IGSF9B: variants seen among roughly 807,000 people sequenced by gnomAD.
IGSF9B encodes the protein immunoglobulin superfamily member 9B.
A neutral mutation model predicts 143.7 loss-of-function variants in IGSF9B; 48 were observed. The observed-to-expected ratio is 0.33, with a 90% CI of 0.26 to 0.42. IGSF9B has a LOEUF of 0.42. IGSF9B is among the 20% of genes least tolerant of loss of function. The probability of loss-of-function intolerance (pLI) is 1.00; values close to 1 mark genes in which losing one functional copy is unlikely to be tolerated. For missense variants in IGSF9B, 1,706 were observed against 1,980.0 expected (o/e 0.86, Z 2.63); for synonymous variants, 903 against 833.1 (o/e 1.08, Z -1.44).
In IGSF9B at chr11:133,948,260, G is replaced by A. The variant is rs182373219; in HGVS notation, c.65-2002C>T. 1.1e-3 allele frequency among the ~76,000 whole-genome samples: 174 copies of A among 152,196 alleles called. No individual in the cohort carries two copies. Among genetic ancestry groups the A allele is most frequent in the Non-Finnish European group, 1.8e-3 (124 of 68,006 alleles). ...CCCCTCCCCCTCCCCTGCAAGTTGC[G>A]GAAGAGGGAGGAGGCAAGCCCTTCC... On this transcript the variant is annotated intron_variant, in intron 1 of 19. Transcript: ENST00000533871. This position sits in a 1 kb window ranked among gnomAD's most constrained non-coding sequence, Gnocchi z 4.7.
rs59414581 is a variant in IGSF9B, at chr11:133,948,617, C to CTGTGTG, written c.65-2365_65-2360dup. Reference sequence around the variant, plus strand: ...TGGGTGCCATGAGTTTGCAGAGAAGCTGTGTGTGTGTGTGTGTGTGTGTGT... The same window carrying CTGTGTG: ...TGGGTGCCATGAGTTTGCAGAGAAGCTGTGTGTGTGTGTGTGTGTGTGTGTGTGTGT... On this transcript the variant is annotated intron_variant, in intron 1 of 19. Coordinates refer to ENST00000533871, the MANE Select transcript of IGSF9B (RefSeq NM_001277285.4). This position sits in a 1 kb window ranked among gnomAD's most constrained non-coding sequence, Gnocchi z 4.7. Among the ~76,000 whole-genome samples, 276 of 140,996 alleles carry CTGTGTG rather than the reference C, an allele frequency of 2.0e-3. No individual in the cohort carries two copies. The highest frequency in any genetic ancestry group is 4.1e-3 in the African/African-American group (152 of 37,408). The allele number at this position is 140,996 out of a possible 152,430, so 92.5% of individuals were successfully genotyped here.
Position 133,919,807 on chromosome 11 carries a change from G to A in IGSF9B, c.3918C>T (p.Ser1306=), listed in dbSNP as rs756481542. 8 of 1,517,404 alleles carry A rather than the reference G, an allele frequency of 5.3e-6. No individual in the cohort carries two copies. The highest frequency in any genetic ancestry group is 7.1e-6 in the Non-Finnish European group (8 of 1,131,568). 94.0% of individuals were successfully genotyped at this position (1,517,404 alleles called of 1,614,324 possible). A position where few individuals can be genotyped will look rare whatever the true frequency, so the allele number is the denominator to read the frequency against. The change falls in exon 18 of 20, where the codon TCC becomes TCT. Residue 1306 remains serine, a synonymous_variant. Transcript: ENST00000533871. Reference sequence around the variant, plus strand: ...GCAATTCCTCCCCCGTCCTTCGAGGGGAAGGCGTCTGTCCAAACACGTCCA... The same window carrying A: ...GCAATTCCTCCCCCGTCCTTCGAGGAGAAGGCGTCTGTCCAAACACGTCCA... The part of the protein sequence containing the change: ...DSLDVFGQTP[S]PRRTGEELLR...
In IGSF9B at chr11:133,908,843, A is replaced by G. The variant is rs1044752450; in HGVS notation, c.*226T>C. ...GGAGACAGGTGTTGCCCAGTCTCCA[A>G]TCCACTTCCTGACCTCGACCCACAG... On this transcript the variant is annotated 3_prime_UTR_variant, in exon 20 of 20. Coordinates refer to ENST00000533871, the MANE Select transcript of IGSF9B (RefSeq NM_001277285.4). The G allele has an allele frequency of 5.2e-5, 28 of 537,774 alleles. No homozygotes were observed. Among genetic ancestry groups the G allele is most frequent in the African/African-American group, 1.1e-4 (6 of 52,938 alleles). 33.3% of individuals were successfully genotyped at this position (537,774 alleles called of 1,614,324 possible).
chr11:133,931,440 A>G lies in IGSF9B; in HGVS notation c.1368+13T>C, dbSNP rs767053074. On this transcript the variant is annotated intron_variant, in intron 10 of 19. Transcript: ENST00000533871. This position sits in a 1 kb window ranked among gnomAD's most constrained non-coding sequence, Gnocchi z 7.7. ...CACCTCCCTGCAGACCCAGGGCTCC[A>G]GGGCCCAGGTACCTTTCTCCAAGTG... is the stretch of plus-strand genomic sequence containing the variant. The G allele has an allele frequency of 1.3e-6, 2 of 1,582,324 alleles. No homozygotes were observed. Among genetic ancestry groups the G allele is most frequent in the Non-Finnish European group, 1.7e-6 (2 of 1,152,778 alleles).
In IGSF9B at chr11:133,897,763, A is replaced by C. The variant is rs995802628; in HGVS notation, c.*11306T>G. On this transcript the variant is annotated 3_prime_UTR_variant, in exon 20 of 20. Transcript: ENST00000533871. ...TTTTGAGTTACATACCTGAAGTTCA[A>C]AAAGTAAGCCTCTAGTTGCCATTCA... 6.6e-6 allele frequency: 1 copy of C among 152,248 alleles called. No homozygotes were observed. The highest frequency in any genetic ancestry group is 1.5e-5 in the Non-Finnish European group (1 of 68,048). The allele number at this position is 152,248 out of a possible 1,614,324, so 9.4% of individuals were successfully genotyped here.
rs1939235450 is a variant in IGSF9B, at chr11:133,907,944, T to C, written c.*1125A>G. ...AAAGCCACAGGCGGCTCCGCACAAGTGGTAATTAATCAATCTGGAGAATTA... is the reference window on the plus strand; with the variant it reads ...AAAGCCACAGGCGGCTCCGCACAAGCGGTAATTAATCAATCTGGAGAATTA... On this transcript the variant is annotated 3_prime_UTR_variant, in exon 20 of 20. Transcript: ENST00000533871. 6.6e-6 allele frequency among the ~76,000 whole-genome samples: 1 copy of C among 151,972 alleles called. No individual in the cohort carries two copies. Among genetic ancestry groups the C allele is most frequent in the Non-Finnish European group, 1.5e-5 (1 of 68,004 alleles).
chr11:133,911,611 C>T (rs1939302639), intron 19 of IGSF9B, among the ~76,000 whole-genome samples: 1 of 152,188 alleles, frequency 6.6e-6, no homozygotes, highest in African/African-American at 2.4e-5. Flanking sequence ...AACGACAGTT[C>T]TCCAGGTGAG....
chr11:133,906,865 C>A lies in IGSF9B; in HGVS notation c.*2204G>T, dbSNP rs993043954. ...TGCATAAAGGCTGCACGTCAGCTTG[C>A]GGTAAGCCCCCACCTCCCACCCCAA... On this transcript the variant is annotated 3_prime_UTR_variant, in exon 20 of 20. Transcript: ENST00000533871. 2.3e-4 allele frequency among the ~76,000 whole-genome samples: 35 copies of A among 152,278 alleles called. No individual in the cohort carries two copies. The highest frequency in any genetic ancestry group is 7.9e-4 in the African/African-American group (33 of 41,570).
chr11:133,949,533 C>G (rs1940120777), intron 1 of IGSF9B, among the ~76,000 whole-genome samples: 1 of 152,116 alleles, frequency 6.6e-6, no homozygotes, highest in Non-Finnish European at 1.5e-5. Context: ...GAAACCAAAC[C>G]CACATCCAGG....
intron 1 of IGSF9B, among the ~76,000 whole-genome samples, chr11:133,950,920 G>C (rs1940146585): frequency 6.6e-6 from 1 of 151,956 alleles, no homozygotes; most frequent in South Asian, 2.1e-4. Context: ...CAAACCACAG[G>C]CCTGTTGTCT....
intron 3 of IGSF9B, among the ~76,000 whole-genome samples, chr11:133,940,309 A>C (rs1939919044): frequency 8.2e-6 from 1 of 121,516 alleles, no homozygotes; most frequent in Non-Finnish European, 1.6e-5. Context: ...CGCACGCGTC[A>C]TCGCACGCAG....
chr11:133,904,741 C>G lies in IGSF9B; in HGVS notation c.*4328G>C, dbSNP rs768283303. ...GTGGTCTCACCATCCTAACCCATGCCTGACCTCACCCTCTGTGCCCCTTCC... is the reference window on the plus strand; with the variant it reads ...GTGGTCTCACCATCCTAACCCATGCGTGACCTCACCCTCTGTGCCCCTTCC... On this transcript the variant is annotated 3_prime_UTR_variant, in exon 20 of 20. Transcript: ENST00000533871. 2.6e-5 allele frequency among the ~76,000 whole-genome samples: 4 copies of G among 151,984 alleles called. No homozygotes were observed. Among genetic ancestry groups the G allele is most frequent in the Non-Finnish European group, 4.4e-5 (3 of 67,994 alleles).
At chr11:133,936,350 A>G (rs756223863) in intron 5 of IGSF9B, among the ~76,000 whole-genome samples, 156 bp from the exon 6 acceptor site, 8 of 152,070 alleles carry the variant, frequency 5.3e-5, no homozygotes, top group Non-Finnish European at 1.2e-4. Context: ...ATCTGTGCTC[A>G]GGCATCCTGT....
In IGSF9B at chr11:133,909,119, T is replaced by C; in HGVS notation, c.4264A>G (p.Ile1422Val). 1 of 1,535,880 alleles carries C rather than the reference T, an allele frequency of 6.5e-7. No homozygotes were observed. The highest frequency in any genetic ancestry group is 8.7e-7 in the Non-Finnish European group (1 of 1,146,734). The change falls in exon 20 of 20, where the codon ATT becomes GTT. Residue 1422 changes from isoleucine to valine, a missense_variant. By Grantham distance (29) the Ile-to-Val change is conservative. Coordinates refer to ENST00000533871, the MANE Select transcript of IGSF9B (RefSeq NM_001277285.4). This position sits in a 1 kb window ranked among gnomAD's most constrained non-coding sequence, Gnocchi z 4.2. ...HRQLPEDQTA[I>V]LNSVDHDDPG... The stretch of plus-strand genomic sequence containing the variant: ...TCATCGTGGTCCACACTGTTGAGAA[T>C]CGCTGTCTGGTCTTCCGGAAGCTGG...
At position 133,937,487 on chromosome 11, in the gene IGSF9B, C is replaced by T; in HGVS notation, c.568G>A (p.Asp190Asn). 2 of 1,613,352 alleles carry T rather than the reference C, an allele frequency of 1.2e-6. No homozygotes were observed. Among genetic ancestry groups the T allele is most frequent in the South Asian group, 1.1e-5 (1 of 91,030 alleles). Residue 190 changes from aspartate (D) to asparagine (N), a missense_variant, in exon 5 of 20, where the codon GAC becomes AAC. By Grantham distance (23) the Asp-to-Asn change is conservative. Transcript: ENST00000533871. ...ACCGATGTCACTGTCAGGCTGCCGT[C>T]ACTCACCTGGGAGCCCAAAACAGAG... ...LGASGKYQVS[D>N]GSLTVTSVSR...
At chr11:133,918,802 C>CAGAGAG (rs34060525) in intron 18 of IGSF9B, among the ~76,000 whole-genome samples, 6 of 148,088 alleles carry the variant, frequency 4.1e-5, no homozygotes, top group South Asian at 4.5e-4. Flanking sequence ...AGGACGGAGC[C>CAGAGAG]AGAGAGAGAG....
rs1214320160 is a variant in IGSF9B, at chr11:133,902,316, C to T, written c.*6753G>A. On this transcript the variant is annotated 3_prime_UTR_variant, in exon 20 of 20. Transcript: ENST00000533871. ...CACACATACACGCACACCACAGATA[C>T]ACACACACCATACCACACACACCCC... 5.4e-5 allele frequency among the ~76,000 whole-genome samples: 8 copies of T among 147,542 alleles called. No individual in the cohort carries two copies. The highest frequency in any genetic ancestry group is 7.5e-5 in the Non-Finnish European group (5 of 66,636).
At chr11:133,939,027 C>A (rs1369138393) in intron 3 of IGSF9B, among the ~76,000 whole-genome samples, 1 of 152,228 alleles carries the variant, frequency 6.6e-6, no homozygotes, top group African/African-American at 2.4e-5. Flanking sequence ...GAGGGTCCCT[C>A]CTCCCCACAC....
chr11:133,922,894 C>T (rs1247387598), intron 15 of IGSF9B, among the ~76,000 whole-genome samples, 164 bp from the exon 16 acceptor site: 1 of 152,118 alleles, frequency 6.6e-6, no homozygotes, highest in Admixed American at 6.5e-5. Flanking sequence ...GATGGCGTCA[C>T]GAAGAGGAAG....
Sources: allele counts gnomAD v4.1 joint callset (sites outside exome capture counted in the v4.1 genomes callset), GRCh38; gene constraint gnomAD v4.1.1; non-coding constraint Gnocchi (gnomAD v3.1); transcripts MANE v1.5; gene names NCBI Gene and HGNC (gene_info 2026-07-23, HGNC 2026-07-21).